DLGAP2: variants seen among roughly 807,000 people sequenced by gnomAD.
The protein encoded by DLGAP2 is DLG associated protein 2, also known as disks large-associated protein 2.
Under a neutral mutation model 100.3 loss-of-function variants are expected in DLGAP2, and 26 were observed. The observed-to-expected ratio is 0.26, with a 90% CI of 0.19 to 0.36. The LOEUF is 0.36. DLGAP2 is among the 10% of genes least tolerant of loss of function. The pLI is 1.00. For missense variants in DLGAP2, 1,858 were observed against 1,453.2 expected (o/e 1.28, Z -4.53); for synonymous variants, 886 against 630.1 (o/e 1.41, Z -6.08).
chr8:1,331,236 T>C (rs990228683), intron 3 of DLGAP2, among the ~76,000 whole-genome samples: 1 of 152,228 alleles, frequency 6.6e-6, no homozygotes, highest in African/African-American at 2.4e-5. Context: ...GAAGCCATAC[T>C]GTGTGCCATA....
chr8:1,417,932 T>C (rs988669522), intron 3 of DLGAP2, among the ~76,000 whole-genome samples: 3 of 151,994 alleles, frequency 2.0e-5, no homozygotes, highest in Non-Finnish European at 2.9e-5. Flanking sequence ...ATTTTCAAAA[T>C]AGCTACCACT....
chr8:1,363,367 C>T (rs1394522017), intron 3 of DLGAP2, among the ~76,000 whole-genome samples: 1 of 152,154 alleles, frequency 6.6e-6, no homozygotes, highest in Non-Finnish European at 1.5e-5. Flanking sequence ...TCGCCGGTCC[C>T]ACGTCCGTGG....
intron 1 of DLGAP2, among the ~76,000 whole-genome samples, chr8:829,478 G>GT (rs1233748419): frequency 6.6e-6 from 1 of 152,116 alleles, no homozygotes; most frequent in Non-Finnish European, 1.5e-5. Flanking sequence ...AGAATTCTAA[G>GT]TTTTTTTAGT....
At chr8:901,965 G>A (rs1798260442) in intron 1 of DLGAP2, among the ~76,000 whole-genome samples, 3 of 152,194 alleles carry the variant, frequency 2.0e-5, no homozygotes, top group Non-Finnish European at 4.4e-5. Context: ...GGGCAGCGTG[G>A]GAGCCGTGCA....
chr8:1,065,030 C>G (rs1041990181), intron 2 of DLGAP2, among the ~76,000 whole-genome samples: 3 of 152,222 alleles, frequency 2.0e-5, no homozygotes, highest in African/African-American at 7.2e-5. Context: ...CCAGACACCT[C>G]CACACAGTGG....
chr8:1,587,738 T>G (rs1267126130), intron 6 of DLGAP2, among the ~76,000 whole-genome samples: 2 of 152,234 alleles, frequency 1.3e-5, no homozygotes, highest in African/African-American at 4.8e-5. Flanking sequence ...TTTCAAATTT[T>G]TATAATGTGT....
rs751103753 is a variant in DLGAP2 at position 1,669,778 on chromosome 8, G to T, written c.2196G>T (p.Arg732Ser). The T allele has an allele frequency of 2.6e-6, 2 of 780,884 alleles. No homozygotes were observed. Among genetic ancestry groups the T allele is most frequent in the Non-Finnish European group, 4.8e-6 (2 of 417,982 alleles). The allele number at this position is 780,884 out of a possible 1,614,324, so 48.4% of individuals were successfully genotyped here. Reference sequence around the variant, plus strand: ...TCCCAGAGCATCAGCCATACCCAAGGTCAGATGTAAGTACCGAAATGTGCT... The same window carrying T: ...TCCCAGAGCATCAGCCATACCCAAGTTCAGATGTAAGTACCGAAATGTGCT... Reference protein sequence around the residue: ...SEFPEHQPYPRSDVETATDSD... With the variant: ...SEFPEHQPYPSSDVETATDSD... Residue 732 changes from arginine (R) to serine (S), a missense_variant, in exon 10 of 15, where the codon AGG (arginine) becomes AGT (serine). Physicochemically the swap from Arg to Ser is moderately radical, Grantham distance 110 (BLOSUM62 -1). Coordinates refer to ENST00000637795, the MANE Select transcript of DLGAP2 (RefSeq NM_001346810.2).
intron 2 of DLGAP2, among the ~76,000 whole-genome samples, chr8:1,027,096 G>A (rs1801821709): frequency 6.6e-6 from 1 of 152,058 alleles, no homozygotes; most frequent in Non-Finnish European, 1.5e-5. Context: ...CTAGTATTTA[G>A]GGAAGGGTTT....
At chr8:805,564 C>A (rs1308915658) in intron 1 of DLGAP2, among the ~76,000 whole-genome samples, 1 of 152,220 alleles carries the variant, frequency 6.6e-6, no homozygotes, top group African/African-American at 2.4e-5. Flanking sequence ...TTTGAACTCC[C>A]AGACCACCTG....
chr8:1,139,050 A>ACTT (rs1394243213), intron 2 of DLGAP2, among the ~76,000 whole-genome samples: 1 of 152,216 alleles, frequency 6.6e-6, no homozygotes, highest in Non-Finnish European at 1.5e-5. Context: ...AGTTGAAGGA[A>ACTT]CTTTTGAAAT....
intron 1 of DLGAP2, among the ~76,000 whole-genome samples, chr8:866,850 T>G (rs1453829064): frequency 6.6e-6 from 1 of 152,196 alleles, no homozygotes; most frequent in Non-Finnish European, 1.5e-5. Context: ...CCCTGTGACT[T>G]GTTGGGAGAA....
At chr8:1,494,383 C>T (rs993506145) in intron 3 of DLGAP2, among the ~76,000 whole-genome samples, 2 of 152,328 alleles carry the variant, frequency 1.3e-5, no homozygotes, top group South Asian at 4.1e-4. Context: ...TGCATTTCCT[C>T]CTCTTTCTTC....
At chr8:1,391,386 G>T (rs79299762) in intron 3 of DLGAP2, among the ~76,000 whole-genome samples, 1 of 152,222 alleles carries the variant, frequency 6.6e-6, no homozygotes, top group Admixed American at 6.5e-5. Context: ...GATCGGATCT[G>T]TGCAGAGGCA....
chr8:785,061 C>G (rs1821801605), intron 1 of DLGAP2, among the ~76,000 whole-genome samples: 1 of 151,504 alleles, frequency 6.6e-6, no homozygotes, highest in African/African-American at 2.4e-5. Context: ...CAAAACAATA[C>G]AAAACATTAG....
At chr8:1,698,425 CA>C (rs1799462806) in intron 14 of DLGAP2, among the ~76,000 whole-genome samples, 2 of 143,894 alleles carry the variant, frequency 1.4e-5, no homozygotes, top group African/African-American at 5.0e-5. Context: ...GTAAGCCATG[CA>C]TGGGAGTAGG....
chr8:1,425,985 G>T (rs2129956449), intron 3 of DLGAP2, among the ~76,000 whole-genome samples: 1 of 152,370 alleles, frequency 6.6e-6, no homozygotes, highest in South Asian at 2.1e-4. Flanking sequence ...GCACTGAGCA[G>T]AACATGCTAC....
At chr8:1,069,205 G>A (rs531859032) in intron 2 of DLGAP2, among the ~76,000 whole-genome samples, 121 of 152,326 alleles carry the variant, frequency 7.9e-4, no homozygotes, top group African/African-American at 2.7e-3. Flanking sequence ...TGCTAAGGCA[G>A]TCTTGTTTAA....
At chr8:1,678,742 G>C (rs2293907) in intron 12 of DLGAP2, 113 bp downstream of exon 12, 1 of 1,183,472 alleles carries the variant, frequency 8.4e-7, no homozygotes, top group Non-Finnish European at 1.1e-6. Flanking sequence ...CAAGTGAAGG[G>C]AAATAAATGT....
intron 2 of DLGAP2, among the ~76,000 whole-genome samples, chr8:908,513 G>T (rs184597772): frequency 1.1e-4 from 17 of 152,224 alleles, no homozygotes; most frequent in African/African-American, 3.9e-4. Context: ...GGGCGTGTGT[G>T]GCTGGTGGTT....
Sources: allele counts gnomAD v4.1 joint callset (sites outside exome capture counted in the v4.1 genomes callset), GRCh38; gene constraint gnomAD v4.1.1; transcripts MANE v1.5; gene names NCBI Gene and HGNC (gene_info 2026-07-23, HGNC 2026-07-21).